Variants in ASMT observed in about 807,000 individuals in gnomAD.
ASMT encodes the protein acetylserotonin O-methyltransferase.
A neutral mutation model predicts 41.3 loss-of-function variants in ASMT; 53 were observed. That is an observed-to-expected ratio of 1.28 (90% CI 1.03 to 1.61). The LOEUF is 1.61. Among genes scored for constraint, ASMT ranks in the 40% most tolerant of loss-of-function variants. The pLI is 0.00. For missense variants in ASMT, 531 were observed against 441.3 expected (o/e 1.20, Z -1.82); for synonymous variants, 231 against 184.8 (o/e 1.25, Z -2.03).
Position 1,630,207 on chromosome X carries a change from C to T in ASMT, c.562+268C>T, listed in dbSNP as rs147716263. 4.8e-3 allele frequency among the ~76,000 whole-genome samples: 725 copies of T among 152,050 alleles called. 28 individuals carry two copies. In the East Asian group the frequency reaches 0.082, roughly 17 times the overall value. Reference sequence around the variant, plus strand: ...GCAGTGCAGTGGCATGATCTCGGCTCACTGCAACCTTTGCCTCCTGGGTTC... The same window carrying T: ...GCAGTGCAGTGGCATGATCTCGGCTTACTGCAACCTTTGCCTCCTGGGTTC... On this transcript the variant is annotated intron_variant, in intron 5 of 8. Coordinates refer to ENST00000381241, the MANE Select transcript of ASMT (RefSeq NM_001171038.2).
At chrX:1,616,856 C>T (rs779013314) in intron 1 of ASMT, among the ~76,000 whole-genome samples, 9 of 151,498 alleles carry the variant, frequency 5.9e-5, no homozygotes, top group Non-Finnish European at 1.0e-4. Context: ...TTACAGGCAC[C>T]CGCCACCACG....
intron 7 of ASMT, among the ~76,000 whole-genome samples, chrX:1,634,993 G>A (rs113112409): frequency 3.7e-5 from 3 of 81,068 alleles, no homozygotes; most frequent in South Asian, 8.5e-4. Context: ...TTTTTTTTTT[G>A]AGATGGAGTC....
chrX:1,629,731 C>A, intron 4 of ASMT, 90 bp from the exon 5 acceptor site: 2 of 1,188,676 alleles, frequency 1.7e-6, no homozygotes, highest in Non-Finnish European at 2.5e-6. Flanking sequence ...TGGGGTATAG[C>A]TCCGTTCTCA....
chrX:1,615,772 C>T (rs7391804), intron 1 of ASMT, among the ~76,000 whole-genome samples: 5 of 151,526 alleles, frequency 3.3e-5, no homozygotes, highest in African/African-American at 9.7e-5. Flanking sequence ...ACTGCACTCC[C>T]GCCTGGGGGA....
At chrX:1,621,426 T>G (rs1934334067) in intron 1 of ASMT, among the ~76,000 whole-genome samples, 1 of 151,780 alleles carries the variant, frequency 6.6e-6, no homozygotes, top group South Asian at 2.1e-4. Flanking sequence ...CAAGCAATTC[T>G]CCTGCCTCAC....
chrX:1,629,231 T>G (rs1934678278), intron 4 of ASMT, among the ~76,000 whole-genome samples: 1 of 152,152 alleles, frequency 6.6e-6, no homozygotes, highest in Non-Finnish European at 1.5e-5. Context: ...ATAGTGACCG[T>G]GGTACCTAAG....
intron 6 of ASMT, 93 bp from the exon 7 acceptor site, chrX:1,633,057 G>C: frequency 3.4e-6 from 5 of 1,480,172 alleles, no homozygotes; most frequent in Non-Finnish European, 4.7e-6. Context: ...CAAGTTCCTG[G>C]GTTGGACCCT....
intron 3 of ASMT, among the ~76,000 whole-genome samples, chrX:1,625,593 T>TAAGAGAAAGA (rs1934509185): frequency 1.0e-5 from 1 of 98,736 alleles, no homozygotes; most frequent in Admixed American, 1.1e-4. Flanking sequence ...TAATGGAAAG[T>TAAGAGAAAGA]AAGAGAAAGA....
intron 3 of ASMT, among the ~76,000 whole-genome samples, chrX:1,625,087 GTTTTTTCTTTTCTTTTCTTTCTTTTT>G (rs1330470142): frequency 6.7e-6 from 1 of 148,438 alleles, no homozygotes; most frequent in Non-Finnish European, 1.5e-5. Context: ...CTTTTTCTTT[GTTTTTTCTTTTCTTTTCTTTCTTTTT>G]TTTTTTTTTG....
chrX:1,633,071 T>G, intron 6 of ASMT, 79 bp from the exon 7 acceptor site: 213 of 1,559,144 alleles, frequency 1.4e-4, no homozygotes, highest in Non-Finnish European at 1.7e-4. Context: ...GGACCCTTCA[T>G]GAGTCCATGG....
chrX:1,616,876 T>G (rs1408228342), intron 1 of ASMT, among the ~76,000 whole-genome samples: 1 of 151,456 alleles, frequency 6.6e-6, no homozygotes. Flanking sequence ...GCCCGGCTAA[T>G]TTTTTGTATT....
chrX:1,619,111 C>T (rs1934241532), intron 1 of ASMT, among the ~76,000 whole-genome samples: 2 of 151,956 alleles, frequency 1.3e-5, no homozygotes, highest in Admixed American at 6.6e-5. Flanking sequence ...TTAGTATACC[C>T]TTGGCCAGGC....
chrX:1,629,794 C>A, intron 4 of ASMT, 27 bp from the exon 5 acceptor site: 1 of 1,608,566 alleles, frequency 6.2e-7, no homozygotes, highest in African/African-American at 1.3e-5. Flanking sequence ...TCCTCACCAT[C>A]TTGACAAGCG....
At chrX:1,615,823 C>A (rs1185346709) in intron 1 of ASMT, among the ~76,000 whole-genome samples, 1 of 149,028 alleles carries the variant, frequency 6.7e-6, no homozygotes, top group Non-Finnish European at 1.5e-5. Context: ...AAACAAACAA[C>A]AAAAAAAAAG....
Position 1,615,227 on chromosome X carries a change from C to A in ASMT, c.28C>A (p.Arg10Ser), listed in dbSNP as rs143703303. Reference protein sequence around the residue: MGSSEDQAYRLLNDYANGFM... With the variant: MGSSEDQAYSLLNDYANGFM... Reference sequence around the variant, plus strand: ...GGGATCCTCAGAGGACCAGGCCTATCGCCTCCTTAATGACTACGCCAACGG... The same window carrying A: ...GGGATCCTCAGAGGACCAGGCCTATAGCCTCCTTAATGACTACGCCAACGG... Residue 10 changes from arginine (R) to serine (S), a missense_variant, in exon 1 of 9, where the codon CGC becomes AGC. Transcript: ENST00000381241. 1 of 1,598,558 alleles carries A rather than the reference C, an allele frequency of 6.3e-7. No individual in the cohort carries two copies. Among genetic ancestry groups the A allele is most frequent in the Non-Finnish European group, 8.5e-7 (1 of 1,172,718 alleles).
In ASMT at chrX:1,637,094, T is replaced by G. The variant is rs7054428; in HGVS notation, c.910+534T>G. On this transcript the variant is annotated intron_variant, in intron 8 of 8. Transcript: ENST00000381241. ...CAGCCTCTGTGTGTGAGATAAGGAC[T>G]GTGTCCCAGCTCTCCTGTGAGGTCC... Among the ~76,000 whole-genome samples the G allele has an allele frequency of 8.1e-5, 7 of 86,010 alleles. No homozygotes were observed. In the East Asian group the frequency reaches 2.3e-3, roughly 28 times the overall value. The allele number at this position is 86,010 out of a possible 152,430, so 56.4% of individuals were successfully genotyped here.
At chrX:1,626,234 CTTT>C (rs34658281) in intron 3 of ASMT, among the ~76,000 whole-genome samples, 62 of 127,226 alleles carry the variant, frequency 4.9e-4, no homozygotes, top group Non-Finnish European at 4.4e-4. Context: ...TTTTTATTTC[CTTT>C]TTTTTTTTTT....
intron 5 of ASMT, among the ~76,000 whole-genome samples, chrX:1,631,418 A>T (rs1449047905): frequency 4.6e-5 from 7 of 151,210 alleles, no homozygotes; most frequent in Non-Finnish European, 1.0e-4. Context: ...CCTCTACCCC[A>T]TAGGGCTGTC....
chrX:1,623,126 C>G lies in ASMT; in HGVS notation c.70-13C>G. On this transcript the variant is annotated splice_polypyrimidine_tract_variant and intron_variant, in intron 1 of 8. Coordinates refer to ENST00000381241, the MANE Select transcript of ASMT (RefSeq NM_001171038.2). ...GCTGAGCCCTGACCTTTTATTTCCG[C>G]TCCTGCTCCAAGGTTCTCTTCGCCG... 1.2e-6 allele frequency: 2 copies of G among 1,612,222 alleles called. No individual in the cohort carries two copies. The highest frequency in any genetic ancestry group is 1.7e-6 in the Non-Finnish European group (2 of 1,179,814).
Sources: gnomAD v4.1 joint callset for allele counts (sites outside exome capture counted in the v4.1 genomes callset) on GRCh38, gnomAD v4.1.1 for gene constraint, MANE v1.5 for transcripts, NCBI Gene and HGNC (gene_info 2026-07-23, HGNC 2026-07-21) for gene names.